RAB39A: variants seen among roughly 807,000 people sequenced by gnomAD.
The protein encoded by RAB39A is ras-related protein Rab-39A.
In RAB39A, 17 loss-of-function variants were observed where a neutral mutation model predicts 20.9. The ratio of observed to expected loss-of-function variants is 0.81; its 90% CI spans 0.56 to 1.22. The LOEUF (loss-of-function observed/expected upper bound fraction) is 1.22, where lower values mean the gene tolerates loss of function less well. Among genes scored for constraint, RAB39A ranks in the 50% most tolerant of loss-of-function variants. RAB39A has a pLI of 0.00. For missense variants in RAB39A, 234 were observed against 270.5 expected, an observed-to-expected ratio of 0.87 and a Z score of 0.95; for synonymous variants, 99 against 103.4, an observed-to-expected ratio of 0.96 and a Z score of 0.26.
At chr11:107,945,939 C>T (rs1255687866) in intron 1 of RAB39A, among the ~76,000 whole-genome samples, 1 of 152,076 alleles carries the variant, frequency 6.6e-6, no homozygotes, top group Admixed American at 6.6e-5. Context: ...CACTCAGCTC[C>T]TCAGAGTGCT....
chr11:107,928,844 C>T lies in RAB39A; in HGVS notation c.227+49C>T. The T allele has an allele frequency of 7.0e-7, 1 of 1,427,924 alleles. No individual in the cohort carries two copies. The highest frequency in any genetic ancestry group is 9.4e-7 in the Non-Finnish European group (1 of 1,064,720). 88.5% of individuals were successfully genotyped at this position (1,427,924 alleles called of 1,614,324 possible). A position where few individuals can be genotyped will look rare whatever the true frequency, so the allele number is the denominator to read the frequency against. ...CACCGCGCCGCCCCCTCAGCCCGCC[C>T]GGACGCCCCTTCCCCAGGCGTCCGC... On this transcript the variant is annotated intron_variant, in intron 1 of 1. Coordinates refer to ENST00000320578, the MANE Select transcript of RAB39A (RefSeq NM_017516.3). The surrounding 1 kb of genome is among the most constrained non-coding windows in gnomAD (Gnocchi z 4.9).
chr11:107,961,969 G>T lies in RAB39A; in HGVS notation c.251G>T (p.Arg84Leu), dbSNP rs762195679. Residue 84 changes from arginine (R) to leucine (L), a missense_variant, in exon 2 of 2, where the codon CGC becomes CTC. Coordinates refer to ENST00000320578, the MANE Select transcript of RAB39A (RefSeq NM_017516.3). ...RFRSITRSYY[R>L]NSVGGFLVFD... is the part of the protein sequence containing the mutation. ...AGATCAATAACCCGATCTTATTACC[G>T]CAACTCAGTTGGTGGATTTTTAGTA... 6.2e-7 allele frequency: 1 copy of T among 1,611,986 alleles called. No homozygotes were observed. Among genetic ancestry groups the T allele is most frequent in the South Asian group, 1.1e-5 (1 of 90,934 alleles).
chr11:107,958,328 T>A (rs568662416), intron 1 of RAB39A, among the ~76,000 whole-genome samples: 2 of 152,290 alleles, frequency 1.3e-5, no homozygotes, highest in East Asian at 3.9e-4. Context: ...CCTAGTGCTT[T>A]TAGAGTCTGT....
At position 107,962,437 on chromosome 11, in the gene RAB39A, T is replaced by A; in HGVS notation, c.*65T>A. 7.2e-7 allele frequency: 1 copy of A among 1,386,358 alleles called. No homozygotes were observed. Among genetic ancestry groups the A allele is most frequent in the African/African-American group, 1.4e-5 (1 of 69,180 alleles). The allele number at this position is 1,386,358 out of a possible 1,614,324, so 85.9% of individuals were successfully genotyped here. On this transcript the variant is annotated 3_prime_UTR_variant, in exon 2 of 2. Transcript: ENST00000320578. ...GTCAGTTCAGGATAAATACCAACAT[T>A]AACAGCAGAATGATGCAATGAAAGA...
chr11:107,961,092 T>C (rs1240926850), intron 1 of RAB39A, among the ~76,000 whole-genome samples: 1 of 152,220 alleles, frequency 6.6e-6, no homozygotes, highest in African/African-American at 2.4e-5. Context: ...AACACAAGAC[T>C]GTACCTGTAA....
intron 1 of RAB39A, among the ~76,000 whole-genome samples, chr11:107,959,367 C>G (rs935611353): frequency 6.6e-6 from 1 of 152,042 alleles, no homozygotes; most frequent in African/African-American, 2.4e-5. Context: ...GCACATCTGC[C>G]TAAATTCACA....
chr11:107,943,774 A>C (rs1204755847), intron 1 of RAB39A, among the ~76,000 whole-genome samples: 1 of 152,036 alleles, frequency 6.6e-6, no homozygotes, highest in Admixed American at 6.6e-5. Flanking sequence ...AACTTAAATA[A>C]TGTAGAGCTT....
intron 1 of RAB39A, among the ~76,000 whole-genome samples, chr11:107,929,248 A>G (rs1464786913): frequency 6.6e-6 from 1 of 152,068 alleles, no homozygotes; most frequent in Non-Finnish European, 1.5e-5. Context: ...GGCCGGGGAG[A>G]ACCGCGAGGG....
intron 1 of RAB39A, among the ~76,000 whole-genome samples, chr11:107,947,143 G>A (rs893329507): frequency 8.6e-5 from 13 of 151,112 alleles, no homozygotes; most frequent in Non-Finnish European, 1.6e-4. Flanking sequence ...ACTCTGTCAC[G>A]CAGGCTGGAG....
At chr11:107,929,683 G>C (rs887044874) in intron 1 of RAB39A, among the ~76,000 whole-genome samples, 1 of 152,114 alleles carries the variant, frequency 6.6e-6, no homozygotes. Flanking sequence ...CTAAATATCC[G>C]CTGGGGACAT....
At chr11:107,959,555 A>G (rs952365452) in intron 1 of RAB39A, among the ~76,000 whole-genome samples, 2 of 152,194 alleles carry the variant, frequency 1.3e-5, no homozygotes, top group African/African-American at 4.8e-5. Context: ...CAATTTCTCT[A>G]TAATACTATA....
intron 1 of RAB39A, among the ~76,000 whole-genome samples, chr11:107,944,283 T>G (rs1314556115): frequency 6.6e-6 from 1 of 152,094 alleles, no homozygotes; most frequent in Non-Finnish European, 1.5e-5. Context: ...ACGATCCTTC[T>G]TATATCCCAT....
chr11:107,941,455 TTCC>T (rs1861258010), intron 1 of RAB39A, among the ~76,000 whole-genome samples: 1 of 152,176 alleles, frequency 6.6e-6, no homozygotes, highest in Non-Finnish European at 1.5e-5. Flanking sequence ...TCTGGATGAT[TTCC>T]TCAACTCTCC....
chr11:107,945,058 C>G (rs1020593566), intron 1 of RAB39A, among the ~76,000 whole-genome samples: 6 of 151,974 alleles, frequency 3.9e-5, no homozygotes, highest in African/African-American at 1.5e-4. Context: ...TGGCAGATGC[C>G]TATAATCCCA....
At chr11:107,950,121 A>G (rs932840106) in intron 1 of RAB39A, among the ~76,000 whole-genome samples, 2 of 151,768 alleles carry the variant, frequency 1.3e-5, no homozygotes, top group East Asian at 3.9e-4. Context: ...CGGAACTTGC[A>G]GTGAGCCGAG....
Position 107,928,863 on chromosome 11 carries a change from C to T in RAB39A, c.227+68C>T, listed in dbSNP as rs1861109924. The T allele has an allele frequency of 2.3e-6, 3 of 1,307,386 alleles. No homozygotes were observed. Among genetic ancestry groups the T allele is most frequent in the Admixed American group, 2.6e-5 (1 of 38,470 alleles). The allele number at this position is 1,307,386 out of a possible 1,614,324, so 81.0% of individuals were successfully genotyped here. ...CCCGCCCGGACGCCCCTTCCCCAGGCGTCCGCCCCGCCGGCCCTGGTCGGG... is the reference window on the plus strand; with the variant it reads ...CCCGCCCGGACGCCCCTTCCCCAGGTGTCCGCCCCGCCGGCCCTGGTCGGG... On this transcript the variant is annotated intron_variant, in intron 1 of 1. Coordinates refer to ENST00000320578, the MANE Select transcript of RAB39A (RefSeq NM_017516.3). The surrounding 1 kb of genome is among the most constrained non-coding windows in gnomAD (Gnocchi z 4.9).
chr11:107,946,425 T>C (rs1861313702), intron 1 of RAB39A, among the ~76,000 whole-genome samples: 1 of 21,782 alleles, frequency 4.6e-5, no homozygotes, highest in African/African-American at 1.3e-4. Context: ...TGTGTGTGTG[T>C]GTGTGTGTGT....
intron 1 of RAB39A, among the ~76,000 whole-genome samples, chr11:107,946,621 C>T (rs1471471581): frequency 5.3e-5 from 8 of 149,602 alleles, no homozygotes; most frequent in East Asian, 2.0e-4. Context: ...TACAGGCGCC[C>T]GCCACCACGC....
chr11:107,935,816 A>G (rs530372900), intron 1 of RAB39A, among the ~76,000 whole-genome samples: 2 of 151,396 alleles, frequency 1.3e-5, no homozygotes, highest in South Asian at 2.1e-4. Context: ...AGTAAACATT[A>G]TTAATTTGTT....
Sources: gnomAD v4.1 joint callset for allele counts (sites outside exome capture counted in the v4.1 genomes callset) on GRCh38, gnomAD v4.1.1 for gene constraint, Gnocchi (gnomAD v3.1) non-coding constraint, MANE v1.5 for transcripts, NCBI Gene and HGNC (gene_info 2026-07-23, HGNC 2026-07-21) for gene names.